HEPH: variants seen among roughly 807,000 people sequenced by gnomAD.
HEPH encodes the protein hephaestin.
A neutral mutation model predicts 80.8 loss-of-function variants in HEPH; 69 were observed. That is an observed-to-expected ratio of 0.85 (90% CI 0.70 to 1.04). The LOEUF is 1.04. HEPH is among the 50% of genes least tolerant of loss of function. HEPH has a pLI of 0.00. For missense variants in HEPH, 1,115 were observed against 891.3 expected (o/e 1.25, Z -3.20); for synonymous variants, 431 against 322.8 (o/e 1.34, Z -3.60).
chrX:66,191,708 T>C (rs1199481961), intron 6 of HEPH, among the ~76,000 whole-genome samples: 1 of 112,112 alleles, frequency 8.9e-6, no homozygotes, highest in Admixed American at 9.5e-5. Flanking sequence ...TTGATGCTCC[T>C]ACCAGCCCCA....
chrX:66,163,401 A>T (rs1217919469), upstream of HEPH, among the ~76,000 whole-genome samples: 1 of 109,832 alleles, frequency 9.1e-6, no homozygotes, highest in Non-Finnish European at 1.9e-5. Context: ...CAATTCTTCC[A>T]TGTCTTAGTT....
intron 4 of HEPH, among the ~76,000 whole-genome samples, chrX:66,187,121 T>G (rs1413995377): frequency 1.8e-5 from 2 of 111,439 alleles, no homozygotes; most frequent in Non-Finnish European, 3.8e-5. Flanking sequence ...TCCTTGAATA[T>G]TTATCCCTTC....
intron 15 of HEPH, among the ~76,000 whole-genome samples, chrX:66,242,835 C>T (rs1068537): frequency 0.38 from 41,605 of 110,537 alleles, 9,369 homozygotes; most frequent in African/African-American, 0.86. Context: ...CCTGTCAGAG[C>T]AGCTGTTATT....
chrX:66,223,550 TA>T (rs2089746147), intron 15 of HEPH, among the ~76,000 whole-genome samples: 1 of 111,858 alleles, frequency 8.9e-6, no homozygotes, highest in Non-Finnish European at 1.9e-5. Context: ...AGACTCTTTT[TA>T]ACCTTTTATA....
At chrX:66,257,296 G>C in intron 17 of HEPH, among the ~76,000 whole-genome samples, 1 of 111,351 alleles carries the variant, frequency 9.0e-6, no homozygotes, top group Non-Finnish European at 1.9e-5. Context: ...ACTTTCTTCT[G>C]TTTGTTTATG....
chrX:66,221,343 T>C (rs1488514785), intron 15 of HEPH, among the ~76,000 whole-genome samples: 1 of 112,450 alleles, frequency 8.9e-6, no homozygotes, highest in East Asian at 2.8e-4. Context: ...ATTTAGGGTG[T>C]TGCAAACTTC....
At chrX:66,260,768 T>A (rs1398973302) in intron 19 of HEPH, among the ~76,000 whole-genome samples, 2 of 108,205 alleles carry the variant, frequency 1.8e-5, no homozygotes, top group Admixed American at 9.6e-5. Flanking sequence ...TTTCTTTTTT[T>A]CTTTTTTTTT....
chrX:66,218,538 A>G (rs1046367836), intron 15 of HEPH, among the ~76,000 whole-genome samples: 15 of 112,006 alleles, frequency 1.3e-4, no homozygotes, highest in African/African-American at 4.5e-4. Flanking sequence ...CTGGGATACA[A>G]TAGTGGTGCA....
At chrX:66,231,989 G>T (rs1307711283) in intron 15 of HEPH, among the ~76,000 whole-genome samples, 15 of 110,081 alleles carry the variant, frequency 1.4e-4, no homozygotes, top group African/African-American at 4.0e-4. Context: ...TAGCATGAAG[G>T]GTTGTTGAAT....
intron 15 of HEPH, among the ~76,000 whole-genome samples, chrX:66,213,104 T>C (rs1022338649): frequency 9.1e-6 from 1 of 109,861 alleles, no homozygotes; most frequent in African/African-American, 3.3e-5. Context: ...TACATATGTA[T>C]ACATGTGACA....
At chrX:66,258,740 TA>T (rs910653717) in intron 17 of HEPH, 99 bp from the exon 18 acceptor site, 58 of 635,807 alleles carry the variant, frequency 9.1e-5, no homozygotes, top group Non-Finnish European at 1.2e-4. Flanking sequence ...CTATCTTCGG[TA>T]AAAAAGATTA....
Position 66,266,592 on chromosome X carries a change from C to A in HEPH, c.3397C>A (p.Gln1133Lys). The A allele has an allele frequency of 8.3e-7, 1 of 1,210,157 alleles. No homozygotes were observed. Among genetic ancestry groups the A allele is most frequent in the Non-Finnish European group, 1.1e-6 (1 of 894,724 alleles). Residue 1133 changes from glutamine to lysine, a missense_variant, in exon 21 of 21, where the codon CAA (glutamine) becomes AAA (lysine). By Grantham distance (53) the Gln-to-Lys change is moderately conservative. Transcript: ENST00000343002. ...GGCTCTTGGTGGAGTGGTTTGGTAC[C>A]AACATCGACAGAGAAAGCTACGACG... ...VLALGGVVWY[Q>K]HRQRKLRRNR...
Position 66,266,916 on chromosome X carries a change from C to T in HEPH, c.*244C>T. ...ACTAAGGGAGTACCTTATTATCCTA[C>T]ATCGCAAATTTCAACAGCTACATTA... is the stretch of plus-strand genomic sequence containing the variant. On this transcript the variant is annotated 3_prime_UTR_variant, in exon 21 of 21. Coordinates refer to ENST00000343002, the MANE Select transcript of HEPH (RefSeq NM_001367233.3). 2.9e-6 allele frequency: 1 copy of T among 340,043 alleles called. No individual in the cohort carries two copies. The highest frequency in any genetic ancestry group is 5.1e-6 in the Non-Finnish European group (1 of 197,054). The allele number at this position is 340,043 out of a possible 1,213,427, so 28.0% of individuals were successfully genotyped here. A position where few individuals can be genotyped will look rare whatever the true frequency, so the allele number is the denominator to read the frequency against.
chrX:66,232,843 A>T (rs2090207217), intron 15 of HEPH, among the ~76,000 whole-genome samples: 1 of 111,022 alleles, frequency 9.0e-6, no homozygotes, highest in African/African-American at 3.3e-5. Context: ...AGGGTACTGT[A>T]AATTATTACA....
At chrX:66,163,783 TAGAG>T (rs753260528), upstream of HEPH, among the ~76,000 whole-genome samples, 4 of 112,114 alleles carry the variant, frequency 3.6e-5, no homozygotes, top group Non-Finnish European at 5.6e-5. Context: ...AGTTGTAAAA[TAGAG>T]AGAATTAGAG....
chrX:66,194,940 A>G (rs1410690062), intron 8 of HEPH, among the ~76,000 whole-genome samples, 158 bp from the exon 9 acceptor site: 4 of 112,617 alleles, frequency 3.6e-5, no homozygotes, highest in African/African-American at 9.7e-5. Context: ...GTAAATTGCA[A>G]TATACTTGAA....
At chrX:66,255,825 CA>C (rs760936157) in intron 16 of HEPH, among the ~76,000 whole-genome samples, 8 of 110,536 alleles carry the variant, frequency 7.2e-5, no homozygotes, top group African/African-American at 2.6e-4. Flanking sequence ...GGAAACAGCA[CA>C]AAAAAACACT....
Position 66,195,277 on chromosome X carries a change from G to A in HEPH, c.1501+48G>A, listed in dbSNP as rs763024445. On this transcript the variant is annotated intron_variant, in intron 9 of 20. Coordinates refer to ENST00000343002, the MANE Select transcript of HEPH (RefSeq NM_001367233.3). Reference sequence around the variant, plus strand: ...AAATGTGGGCTCTAGGTGGTACCATGTGTCTCTAGAAAACAAATAAATGGG... The same window carrying A: ...AAATGTGGGCTCTAGGTGGTACCATATGTCTCTAGAAAACAAATAAATGGG... The A allele has an allele frequency of 9.8e-6, 10 of 1,017,912 alleles. No homozygotes were observed. In the Admixed American group the frequency reaches 3.7e-4, roughly 37 times the overall value. 83.9% of individuals were successfully genotyped at this position (1,017,912 alleles called of 1,213,427 possible).
chrX:66,237,562 G>A (rs1218591955), intron 15 of HEPH, among the ~76,000 whole-genome samples: 1 of 111,602 alleles, frequency 9.0e-6, no homozygotes, highest in Non-Finnish European at 1.9e-5. Context: ...GGTTGATTTT[G>A]ATGTACATGT....
Sources: allele counts gnomAD v4.1 joint callset (sites outside exome capture counted in the v4.1 genomes callset), GRCh38; gene constraint gnomAD v4.1.1; transcripts MANE v1.5; gene names NCBI Gene and HGNC (gene_info 2026-07-23, HGNC 2026-07-21).